AGBL1: variants seen among roughly 807,000 people sequenced by gnomAD.
AGBL1 encodes AGBL carboxypeptidase 1, also known as cytosolic carboxypeptidase 4.
Under a neutral mutation model 118.9 loss-of-function variants are expected in AGBL1, and 130 were observed. The observed-to-expected ratio is 1.09, with a 90% CI of 0.95 to 1.26. AGBL1 has a LOEUF of 1.26. Among genes scored for constraint, AGBL1 ranks in the 50% most tolerant of loss-of-function variants. The probability of loss-of-function intolerance (pLI) is 0.00; values close to 1 mark genes in which losing one functional copy is unlikely to be tolerated. For synonymous variants in AGBL1, 555 were observed against 478.9 expected, an observed-to-expected ratio of 1.16 and a Z score of -2.08; for missense variants, 1,584 against 1,298.1, an observed-to-expected ratio of 1.22 and a Z score of -3.38.
rs185774644 is a variant in AGBL1, at chr15:86,184,785, C to T, written c.488+25759C>T. Among the ~76,000 whole-genome samples the T allele has an allele frequency of 6.3e-3, 959 of 152,278 alleles. 4 individuals carry two copies. Among genetic ancestry groups the T allele is most frequent in the Middle Eastern group, 0.02 (6 of 294 alleles). On this transcript the variant is annotated intron_variant, in intron 5 of 22. Transcript: ENST00000614907. ...TTCTTCACAGAATTGGAAAAAACTA[C>T]TTTAAAGTTCATATGGAACCAAAAA...
At chr15:86,442,118 C>A (rs1031362054) in intron 18 of AGBL1, among the ~76,000 whole-genome samples, 1 of 152,186 alleles carries the variant, frequency 6.6e-6, no homozygotes, top group African/African-American at 2.4e-5. Flanking sequence ...TGCAAGGAGC[C>A]GGGAGGCTGT....
intron 17 of AGBL1, among the ~76,000 whole-genome samples, chr15:86,349,407 A>G (rs1353576): frequency 0.6 from 91,255 of 151,986 alleles, 28,110 homozygotes; most frequent in Middle Eastern, 0.71. Flanking sequence ...TTAAGTCTAT[A>G]GGTCTCCTCA....
intron 17 of AGBL1, among the ~76,000 whole-genome samples, chr15:86,303,796 T>C (rs956352003): frequency 2.0e-5 from 3 of 152,140 alleles, no homozygotes; most frequent in African/African-American, 7.2e-5. Flanking sequence ...GATATAATGA[T>C]TTGCATATTT....
chr15:86,192,062 G>C (rs562153086), intron 5 of AGBL1, among the ~76,000 whole-genome samples: 2 of 151,734 alleles, frequency 1.3e-5, no homozygotes, highest in East Asian at 3.9e-4. Flanking sequence ...TTGTGCCACT[G>C]TACTCTGTCC....
At chr15:86,783,450 C>A (rs1268145773) in intron 22 of AGBL1, among the ~76,000 whole-genome samples, 3 of 152,266 alleles carry the variant, frequency 2.0e-5, no homozygotes, top group African/African-American at 7.2e-5. Context: ...TCTTCTTTTT[C>A]TTCACAGCAC....
At chr15:86,659,460 C>T (rs1036012077) in intron 21 of AGBL1, among the ~76,000 whole-genome samples, 1 of 152,150 alleles carries the variant, frequency 6.6e-6, no homozygotes, top group African/African-American at 2.4e-5. Flanking sequence ...AATACAACCT[C>T]ATCTCTGTGC....
intron 22 of AGBL1, among the ~76,000 whole-genome samples, chr15:86,790,071 T>C (rs8026510): frequency 0.017 from 2,640 of 152,242 alleles, 76 homozygotes; most frequent in African/African-American, 0.06. Flanking sequence ...TGCATTCTCA[T>C]TACTTATTTC....
intron 5 of AGBL1, among the ~76,000 whole-genome samples, chr15:86,172,486 T>C (rs1360178169): frequency 6.6e-6 from 1 of 152,198 alleles, no homozygotes; most frequent in Non-Finnish European, 1.5e-5. Context: ...GTACCCACAT[T>C]AACCGATTTC....
At chr15:86,511,596 A>G (rs1165217430) in intron 18 of AGBL1, among the ~76,000 whole-genome samples, 2 of 152,044 alleles carry the variant, frequency 1.3e-5, no homozygotes, top group Non-Finnish European at 2.9e-5. Flanking sequence ...CAACTTTCTC[A>G]TGTGCAAAAT....
At chr15:86,698,480 C>A (rs914822089) in intron 22 of AGBL1, among the ~76,000 whole-genome samples, 1 of 151,984 alleles carries the variant, frequency 6.6e-6, no homozygotes, top group Admixed American at 6.6e-5. Context: ...GCTGCATACC[C>A]ACCTGCACCC....
At chr15:86,184,080 G>A (rs1204960159) in intron 5 of AGBL1, among the ~76,000 whole-genome samples, 1 of 152,160 alleles carries the variant, frequency 6.6e-6, no homozygotes, top group African/African-American at 2.4e-5. Context: ...GTGTTATAAT[G>A]TCTTATTGAT....
intron 22 of AGBL1, among the ~76,000 whole-genome samples, chr15:86,804,854 A>G (rs1178872223): frequency 6.6e-6 from 1 of 152,162 alleles, no homozygotes; most frequent in African/African-American, 2.4e-5. Context: ...TATTTTCCAA[A>G]CTCACTTTCC....
rs971903006 is a variant in AGBL1, at chr15:86,757,255, C to G, written c.3158+82819C>G. On this transcript the variant is annotated intron_variant, in intron 22 of 22. Coordinates refer to ENST00000614907, the MANE Select transcript of AGBL1 (RefSeq NM_001386094.1). ...CTTGATGTTGCTATTACTGCTGAAT[C>G]TGAGCAGCCAGAGTGTGTCAAAGGT... Among the ~76,000 whole-genome samples the G allele has an allele frequency of 3.9e-5, 6 of 152,040 alleles. No homozygotes were observed. In the East Asian group the frequency reaches 9.7e-4, roughly 25 times the overall value.
At chr15:86,887,115 G>C (rs1163023538) in intron 22 of AGBL1, among the ~76,000 whole-genome samples, 3 of 152,088 alleles carry the variant, frequency 2.0e-5, no homozygotes, top group Admixed American at 6.6e-5. Flanking sequence ...TAAGGATTCT[G>C]ATTCATAAAC....
intron 5 of AGBL1, among the ~76,000 whole-genome samples, chr15:86,161,305 A>G (rs1597476580): frequency 6.6e-6 from 1 of 152,204 alleles, no homozygotes. Context: ...CATGGTGTTT[A>G]TGAGGTGCCC....
intron 21 of AGBL1, among the ~76,000 whole-genome samples, chr15:86,628,176 C>T (rs191889575): frequency 6.6e-6 from 1 of 152,254 alleles, no homozygotes; most frequent in African/African-American, 2.4e-5. Context: ...TGGGCCCCAC[C>T]CCTAGAGTTT....
intron 17 of AGBL1, among the ~76,000 whole-genome samples, chr15:86,347,113 T>C (rs1393835869): frequency 1.3e-5 from 2 of 152,174 alleles, no homozygotes; most frequent in Non-Finnish European, 2.9e-5. Context: ...TGGATGGTAA[T>C]TGATTACTAA....
chr15:86,333,993 A>G (rs2080316902), intron 17 of AGBL1, among the ~76,000 whole-genome samples: 1 of 152,224 alleles, frequency 6.6e-6, no homozygotes, highest in Non-Finnish European at 1.5e-5. Context: ...TTTCATAATG[A>G]AACTCTAAAG....
intron 22 of AGBL1, among the ~76,000 whole-genome samples, chr15:86,702,411 G>GAT (rs2086376199): frequency 6.6e-6 from 1 of 152,088 alleles, no homozygotes; most frequent in Admixed American, 6.5e-5. Flanking sequence ...AATAGTTCTA[G>GAT]ATATATAGTA....
Sources: gnomAD v4.1 joint callset for allele counts (sites outside exome capture counted in the v4.1 genomes callset) on GRCh38, gnomAD v4.1.1 for gene constraint, MANE v1.5 for transcripts, NCBI Gene and HGNC (gene_info 2026-07-23, HGNC 2026-07-21) for gene names.